The following SYNE2 variants were observed in gnomAD, a reference collection of about 807,000 sequenced individuals.
SYNE2 encodes the protein spectrin repeat containing nuclear envelope protein 2, also known as nesprin-2.
SYNE2 carries 431 observed loss-of-function variants against 856.3 expected under a neutral mutation model. The ratio of observed to expected loss-of-function variants is 0.50; its 90% CI spans 0.47 to 0.55. The LOEUF (loss-of-function observed/expected upper bound fraction) is 0.55, where lower values mean the gene tolerates loss of function less well. Ranked by LOEUF, SYNE2 falls within the 20% of genes least tolerant of loss-of-function variation. The pLI is 0.00. For missense variants in SYNE2, 8,129 were observed against 8,023.2 expected, an observed-to-expected ratio of 1.01 and a Z score of -0.50; for synonymous variants, 2,923 against 2,872.3, an observed-to-expected ratio of 1.02 and a Z score of -0.56.
intron 11 of SYNE2, among the ~76,000 whole-genome samples, chr14:63,971,287 G>T (rs2096473719): frequency 6.6e-6 from 1 of 151,066 alleles, no homozygotes. Flanking sequence ...AATTTCTTTT[G>T]TATTTTTTTG....
intron 66 of SYNE2, among the ~76,000 whole-genome samples, chr14:64,117,718 G>T (rs1185153974): frequency 6.6e-6 from 1 of 152,128 alleles, no homozygotes; most frequent in South Asian, 2.1e-4. Flanking sequence ...GTTGGGTGTG[G>T]AATTTTCCAC....
At position 63,881,600 on chromosome 14, in the gene SYNE2, T is replaced by C. The variant is rs1176318283; in HGVS notation, c.-51-27498T>C. 4.0e-5 allele frequency among the ~76,000 whole-genome samples: 6 copies of C among 148,468 alleles called. No individual in the cohort carries two copies. In the East Asian group the frequency reaches 1.2e-3, roughly 29 times the overall value. ...ATATATTTATGGAAAATTTTATGTTTATATAAATATATAATTATAATTATA... is the reference window on the plus strand; with the variant it reads ...ATATATTTATGGAAAATTTTATGTTCATATAAATATATAATTATAATTATA... On this transcript the variant is annotated intron_variant, in intron 1 of 115. Transcript: ENST00000555002.
intron 77 of SYNE2, among the ~76,000 whole-genome samples, chr14:64,133,439 A>G (rs878896007): frequency 2.0e-5 from 3 of 152,066 alleles, no homozygotes; most frequent in Admixed American, 6.6e-5. Context: ...CTAACAGACA[A>G]TGTTTGGAGT....
chr14:64,027,272 C>A (rs1368174841), intron 42 of SYNE2, among the ~76,000 whole-genome samples: 2 of 152,080 alleles, frequency 1.3e-5, no homozygotes, highest in Non-Finnish European at 2.9e-5. Flanking sequence ...TAACAGAAAA[C>A]AATTATTTTT....
intron 32 of SYNE2, among the ~76,000 whole-genome samples, chr14:64,016,148 A>G (rs572245102): frequency 6.6e-6 from 1 of 151,840 alleles, no homozygotes; most frequent in East Asian, 1.9e-4. Flanking sequence ...TTTTAATGCC[A>G]TTGAATGCAG....
At chr14:63,843,388 A>C (rs558823634) in intron 1 of SYNE2, among the ~76,000 whole-genome samples, 2 of 152,268 alleles carry the variant, frequency 1.3e-5, no homozygotes, top group Admixed American at 1.3e-4. Context: ...GAATTCCTTA[A>C]TGTTTAAGAT....
intron 99 of SYNE2, chr14:64,190,766 C>T (rs909405553): frequency 2.1e-5 from 14 of 655,438 alleles, no homozygotes; most frequent in South Asian, 3.4e-5. Context: ...TGGATTTGGG[C>T]GCAGCCCAGT....
rs764812857 is a variant in SYNE2 at position 63,942,130 on chromosome 14, T to C, written c.395T>C (p.Ile132Thr). Residue 132 changes from isoleucine to threonine, a missense_variant, in exon 6 of 116, where the codon ATC (isoleucine) becomes ACC (threonine). Ile to Thr is a moderately conservative substitution (Grantham distance 89). This residue lies in a region of SYNE2 where 2,422 missense variants were observed against 2,357.4 expected (regional missense o/e 1.03). Coordinates refer to ENST00000555002, the MANE Select transcript of SYNE2 (RefSeq NM_182914.3). Reference protein sequence around the residue: ...SIILGLIWTIILHFHIEKLAQ... With the variant: ...SIILGLIWTITLHFHIEKLAQ... ...ATCCTTGGCCTAATTTGGACAATTA[T>C]CCTGCACTTTCATGTAAGTAGTTTG... 6.3e-7 allele frequency: 1 copy of C among 1,590,980 alleles called. No homozygotes were observed. The highest frequency in any genetic ancestry group is 1.1e-5 in the South Asian group (1 of 90,616).
At chr14:63,833,466 A>T (rs1016857094) in intron 1 of SYNE2, among the ~76,000 whole-genome samples, 1 of 152,218 alleles carries the variant, frequency 6.6e-6, no homozygotes, top group Admixed American at 6.5e-5. Context: ...GAAGCCAGAC[A>T]TATAACAGAC....
intron 60 of SYNE2, among the ~76,000 whole-genome samples, chr14:64,091,692 C>T (rs2097617081): frequency 6.6e-6 from 1 of 152,158 alleles, no homozygotes; most frequent in Non-Finnish European, 1.5e-5. Context: ...CACTACTCTC[C>T]ATCAGGAATC....
intron 1 of SYNE2, among the ~76,000 whole-genome samples, chr14:63,767,758 G>A (rs1886740423): frequency 6.6e-6 from 1 of 152,066 alleles, no homozygotes; most frequent in Non-Finnish European, 1.5e-5. Context: ...CTATCTTTTT[G>A]TATTGAATCA....
intron 10 of SYNE2, among the ~76,000 whole-genome samples, chr14:63,964,565 C>T (rs1043487254): frequency 5.9e-5 from 9 of 151,672 alleles, no homozygotes; most frequent in African/African-American, 2.2e-4. Flanking sequence ...GCTCTCGTTG[C>T]CTAGTCTGGA....
At chr14:63,827,633 A>AC (rs1297096693) in intron 1 of SYNE2, among the ~76,000 whole-genome samples, 3 of 128,326 alleles carry the variant, frequency 2.3e-5, no homozygotes, top group Non-Finnish European at 5.3e-5. Flanking sequence ...CTCAAAAAAA[A>AC]AAAAAAAAAA....
intron 96 of SYNE2, among the ~76,000 whole-genome samples, chr14:64,178,089 T>A (rs1250604828): frequency 1.3e-5 from 2 of 152,182 alleles, no homozygotes; most frequent in Non-Finnish European, 2.9e-5. Context: ...TTAAAAGACA[T>A]TGAGAGACTG....
chr14:63,965,088 G>C (rs961061553), intron 10 of SYNE2, among the ~76,000 whole-genome samples: 1 of 150,648 alleles, frequency 6.6e-6, no homozygotes, highest in Non-Finnish European at 1.5e-5. Flanking sequence ...TCAGTCTCCC[G>C]AGTAGCTGGG....
chr14:64,053,940 G>T (rs149393421), intron 48 of SYNE2, among the ~76,000 whole-genome samples: 1 of 152,174 alleles, frequency 6.6e-6, no homozygotes, highest in African/African-American at 2.4e-5. Flanking sequence ...CTGCTCTCCA[G>T]CCTGGGTGAC....
rs543967951 is a variant in SYNE2, at chr14:63,882,252, G to C, written c.-51-26846G>C. Reference sequence around the variant, plus strand: ...CATCATTAGGATGAATTGGTGAGCAGCTAAAATTCCATTTATGGTTTTAAT... The same window carrying C: ...CATCATTAGGATGAATTGGTGAGCACCTAAAATTCCATTTATGGTTTTAAT... On this transcript the variant is annotated intron_variant, in intron 1 of 115. Coordinates refer to ENST00000555002, the MANE Select transcript of SYNE2 (RefSeq NM_182914.3). Among the ~76,000 whole-genome samples the C allele has an allele frequency of 4.2e-4, 64 of 152,244 alleles. 1 individual carries two copies. The highest frequency in any genetic ancestry group is 1.4e-3 in the African/African-American group (60 of 41,534).
chr14:64,184,358 G>GTGTGTA (rs1555532279), intron 96 of SYNE2, among the ~76,000 whole-genome samples: 3 of 150,726 alleles, frequency 2.0e-5, no homozygotes, highest in African/African-American at 4.9e-5. Flanking sequence ...GTGTGTGTGT[G>GTGTGTA]TGTGTATGTG....
At position 64,223,177 on chromosome 14, in the gene SYNE2, A is replaced by G. The variant is rs753024790; in HGVS notation, c.20191-12A>G. ...GACAGGTCACTGTTTCACACACTTTATCTGTTTTCAGCAACTGGAAAAGGA... is the reference window on the plus strand; with the variant it reads ...GACAGGTCACTGTTTCACACACTTTGTCTGTTTTCAGCAACTGGAAAAGGA... On this transcript the variant is annotated splice_polypyrimidine_tract_variant and intron_variant, in intron 112 of 115. Coordinates refer to ENST00000555002, the MANE Select transcript of SYNE2 (RefSeq NM_182914.3). 3.7e-6 allele frequency: 6 copies of G among 1,613,070 alleles called. No homozygotes were observed. In the Admixed American group the frequency reaches 6.7e-5, roughly 18 times the overall value.
Sources: allele counts gnomAD v4.1 joint callset (sites outside exome capture counted in the v4.1 genomes callset), GRCh38; gene constraint gnomAD v4.1.1; regional missense constraint gnomAD v4.1.1; transcripts MANE v1.5; gene names NCBI Gene and HGNC (gene_info 2026-07-23, HGNC 2026-07-21).